Variants in PDS5A observed in about 807,000 individuals in gnomAD.
The protein encoded by PDS5A is PDS5 cohesin associated factor A.
A neutral mutation model predicts 167.1 loss-of-function variants in PDS5A; 42 were observed. That is an observed-to-expected ratio of 0.25 (90% CI 0.20 to 0.33). PDS5A has a LOEUF of 0.33. PDS5A is among the 10% of genes least tolerant of loss of function. PDS5A has a pLI of 1.00. For synonymous variants in PDS5A, 553 were observed against 554.6 expected (o/e 1.00, Z 0.04); for missense variants, 1,033 against 1,605.9 (o/e 0.64, Z 6.10).
At chr4:39,934,291 T>C (rs1335695813) in intron 2 of PDS5A, among the ~76,000 whole-genome samples, 1 of 152,204 alleles carries the variant, frequency 6.6e-6, no homozygotes, top group African/African-American at 2.4e-5. Context: ...TTAAGGGTGC[T>C]CTTCCAGCAA....
chr4:39,942,939 G>A (rs1727358394), intron 2 of PDS5A, among the ~76,000 whole-genome samples: 1 of 152,092 alleles, frequency 6.6e-6, no homozygotes. Flanking sequence ...AGGATCTCCT[G>A]AAGGATGGGG....
chr4:39,914,037 C>A (rs1313747438), intron 8 of PDS5A, among the ~76,000 whole-genome samples: 2 of 152,068 alleles, frequency 1.3e-5, no homozygotes, highest in East Asian at 3.8e-4. Context: ...ACATTAAGAA[C>A]CCTATAAAAA....
chr4:39,957,371 T>C (rs1729021252), intron 2 of PDS5A, among the ~76,000 whole-genome samples: 1 of 152,012 alleles, frequency 6.6e-6, no homozygotes, highest in African/African-American at 2.4e-5. Context: ...AAAATTCATA[T>C]TATAATTAAG....
At chr4:39,956,804 G>T (rs28504997) in intron 2 of PDS5A, among the ~76,000 whole-genome samples, 1 of 151,558 alleles carries the variant, frequency 6.6e-6, no homozygotes, top group Non-Finnish European at 1.5e-5. Context: ...TCCAGAGTGG[G>T]CAGGACTATA....
chr4:39,937,163 T>A (rs1477481298), intron 2 of PDS5A, among the ~76,000 whole-genome samples: 1 of 152,014 alleles, frequency 6.6e-6, no homozygotes, highest in African/African-American at 2.4e-5. Flanking sequence ...CTCCCTCTTC[T>A]CCTGGGAGAA....
At chr4:39,975,056 C>T (rs560782518) in intron 2 of PDS5A, among the ~76,000 whole-genome samples, 1 of 143,210 alleles carries the variant, frequency 7.0e-6, no homozygotes, top group African/African-American at 2.6e-5. Context: ...TGCAGTGGGC[C>T]GAGACGCGCC....
At chr4:39,926,261 C>A (rs1300869008) in intron 4 of PDS5A, among the ~76,000 whole-genome samples, 2 of 152,010 alleles carry the variant, frequency 1.3e-5, no homozygotes, top group African/African-American at 4.8e-5. Flanking sequence ...GTGGCTCACG[C>A]CTGTAATCCC....
intron 2 of PDS5A, among the ~76,000 whole-genome samples, chr4:39,971,580 C>T (rs1730542346): frequency 6.6e-6 from 1 of 152,076 alleles, no homozygotes; most frequent in Non-Finnish European, 1.5e-5. Flanking sequence ...ATGCCTCAGC[C>T]ACAGGAGTAG....
Position 39,879,830 on chromosome 4 carries a change from T to G in PDS5A, c.1890A>C (p.Ala630=), listed in dbSNP as rs780954888. Residue 630 remains alanine (A), a synonymous_variant, in exon 18 of 33, where the codon GCA becomes GCC. Coordinates refer to ENST00000303538, the MANE Select transcript of PDS5A (RefSeq NM_001100399.2). The stretch of plus-strand genomic sequence containing the variant: ...TTGACTTATTCATCAATTTCACTAG[T>G]GCACTATAAAAAGAAGAAAATATAA... ...PVHIDSEAIS[A]LVKLMNKSIE... 4 of 1,580,426 alleles carry G rather than the reference T, an allele frequency of 2.5e-6. No homozygotes were observed. Among genetic ancestry groups the G allele is most frequent in the Non-Finnish European group, 2.6e-6 (3 of 1,149,732 alleles).
rs1715203955 is a variant in PDS5A at position 39,825,414 on chromosome 4, A to C, written c.*71T>G. 7.4e-7 allele frequency: 1 copy of C among 1,351,230 alleles called. No homozygotes were observed. The highest frequency in any genetic ancestry group is 1.5e-5 in the African/African-American group (1 of 68,722). The allele number at this position is 1,351,230 out of a possible 1,614,324, so 83.7% of individuals were successfully genotyped here. A position where few individuals can be genotyped will look rare whatever the true frequency, so the allele number is the denominator to read the frequency against. ...CATTTTCTGTTCAGGGACATTTGTG[A>C]ATCCAAGTTTTTGCAGAAGCTGGAG... On this transcript the variant is annotated 3_prime_UTR_variant, in exon 33 of 33. Transcript: ENST00000303538.
At chr4:39,878,391 C>T (rs549068450) in intron 18 of PDS5A, among the ~76,000 whole-genome samples, 10 of 152,132 alleles carry the variant, frequency 6.6e-5, no homozygotes, top group South Asian at 4.2e-4. Flanking sequence ...GTCAGGAGAT[C>T]GAGACCATCC....
chr4:39,896,955 GGTTT>G (rs1190121513), intron 16 of PDS5A, among the ~76,000 whole-genome samples: 2 of 151,208 alleles, frequency 1.3e-5, no homozygotes, highest in African/African-American at 4.9e-5. Flanking sequence ...ACAATGTGCA[GGTTT>G]GTTACACAGG....
intron 2 of PDS5A, among the ~76,000 whole-genome samples, chr4:39,937,797 T>G (rs771603437): frequency 6.6e-5 from 10 of 152,200 alleles, no homozygotes; most frequent in Non-Finnish European, 1.5e-4. Context: ...CTTTGCTGCT[T>G]TCAGTTAAGT....
intron 23 of PDS5A, among the ~76,000 whole-genome samples, chr4:39,865,174 G>A (rs139650238): frequency 7.2e-4 from 110 of 152,156 alleles, no homozygotes; most frequent in African/African-American, 2.6e-3. Flanking sequence ...TATTGATTAA[G>A]TTTAAATTGT....
chr4:39,840,703 G>A (rs1244179376), intron 31 of PDS5A, among the ~76,000 whole-genome samples: 3 of 151,978 alleles, frequency 2.0e-5, no homozygotes, highest in African/African-American at 7.3e-5. Context: ...GTCGCCTCCC[G>A]CATAGCTGGG....
intron 17 of PDS5A, 77 bp from the exon 18 acceptor site, chr4:39,879,910 T>C: frequency 2.6e-6 from 2 of 776,052 alleles, no homozygotes; most frequent in Non-Finnish European, 4.3e-6. Flanking sequence ...ACAGAACATA[T>C]ATAGAACCTT....
chr4:39,940,500 G>C (rs1315906760), intron 2 of PDS5A, among the ~76,000 whole-genome samples: 2 of 152,046 alleles, frequency 1.3e-5, no homozygotes, highest in South Asian at 4.1e-4. Context: ...AGATATATAA[G>C]AATTTTAGAT....
rs1038410047 is a variant in PDS5A, at chr4:39,908,742, G to A, written c.1088-202C>T. 1.9e-5 allele frequency: 10 copies of A among 538,190 alleles called. No homozygotes were observed. The Admixed American group carries it at 2.0e-4, about 11-fold the overall frequency. The allele number at this position is 538,190 out of a possible 1,614,324, so 33.3% of individuals were successfully genotyped here. On this transcript the variant is annotated intron_variant, in intron 10 of 32. Transcript: ENST00000303538. ...AAACTGCACTTTAAACTCCCAAGTT[G>A]GCCAGGTGTGATGGCCCACAACTGT...
intron 2 of PDS5A, among the ~76,000 whole-genome samples, chr4:39,975,904 A>G (rs1236022564): frequency 6.6e-6 from 1 of 152,208 alleles, no homozygotes; most frequent in East Asian, 1.9e-4. Flanking sequence ...CCTCATAAAA[A>G]GGGCCATAAT....
Sources: allele counts gnomAD v4.1 joint callset (sites outside exome capture counted in the v4.1 genomes callset), GRCh38; gene constraint gnomAD v4.1.1; transcripts MANE v1.5; gene names NCBI Gene and HGNC (gene_info 2026-07-23, HGNC 2026-07-21).